CTBP2: variants seen among roughly 807,000 people sequenced by gnomAD.
CTBP2 encodes the protein C-terminal-binding protein 2.
In CTBP2, 30 loss-of-function variants were observed where a neutral mutation model predicts 80.3. The observed-to-expected ratio is 0.37, with a 90% CI of 0.28 to 0.51. The LOEUF (loss-of-function observed/expected upper bound fraction) is 0.51, where lower values mean the gene tolerates loss of function less well. Among genes scored for constraint, CTBP2 ranks in the 20% least tolerant of loss-of-function variants. The pLI is 0.93. For synonymous variants in CTBP2, 594 were observed against 587.4 expected (o/e 1.01, Z -0.16); for missense variants, 1,212 against 1,375.3 (o/e 0.88, Z 1.88).
At chr10:125,130,459 G>A (rs972536666) in intron 1 of CTBP2, among the ~76,000 whole-genome samples, 3 of 152,084 alleles carry the variant, frequency 2.0e-5, no homozygotes, top group African/African-American at 4.8e-5. Flanking sequence ...TTGGAAACAC[G>A]CTGCCAAATG....
At chr10:125,029,967 G>C (rs1958013482), upstream of CTBP2, among the ~76,000 whole-genome samples, 1 of 152,186 alleles carries the variant, frequency 6.6e-6, no homozygotes, top group Non-Finnish European at 1.5e-5. Flanking sequence ...GCCTCCCATT[G>C]AACCAGGAGG....
intron 2 of CTBP2, among the ~76,000 whole-genome samples, chr10:125,075,168 A>G (rs973870377): frequency 1.3e-5 from 2 of 152,242 alleles, no homozygotes; most frequent in Non-Finnish European, 2.9e-5. Context: ...GTGACAATAC[A>G]AAGTAAGAAC....
intron 2 of CTBP2, among the ~76,000 whole-genome samples, chr10:125,067,929 T>A (rs1310173155): frequency 6.6e-6 from 1 of 152,130 alleles, no homozygotes; most frequent in Non-Finnish European, 1.5e-5. Flanking sequence ...GTCCGATGTA[T>A]ACCCTAGGAG....
intron 2 of CTBP2, among the ~76,000 whole-genome samples, chr10:125,046,005 G>A (rs887519931): frequency 6.6e-6 from 1 of 151,872 alleles, no homozygotes; most frequent in Non-Finnish European, 1.5e-5. Context: ...GCCAACACAG[G>A]GCTACAATCC....
chr10:125,022,100 C>T (rs1246716765), intron 1 of CTBP2, among the ~76,000 whole-genome samples: 1 of 152,252 alleles, frequency 6.6e-6, no homozygotes, highest in African/African-American at 2.4e-5. Flanking sequence ...CTCACGCACA[C>T]ACTTCCATCT....
chr10:125,148,646 A>T (rs767731839), intron 1 of CTBP2, among the ~76,000 whole-genome samples: 4 of 152,196 alleles, frequency 2.6e-5, no homozygotes, highest in Non-Finnish European at 4.4e-5. Context: ...CTCTACGGAC[A>T]TGAGAGCCTC....
intron 3 of CTBP2, among the ~76,000 whole-genome samples, chr10:125,035,932 T>G (rs1958816316): frequency 6.6e-6 from 1 of 152,212 alleles, no homozygotes; most frequent in Non-Finnish European, 1.5e-5. Context: ...TTACATGGTA[T>G]TATAGGATTG....
At chr10:124,991,710 C>CACAGG (rs111879189) in intron 8 of CTBP2, among the ~76,000 whole-genome samples, 1 of 152,274 alleles carries the variant, frequency 6.6e-6, no homozygotes, top group African/African-American at 2.4e-5. Context: ...TCCTACAATG[C>CACAGG]ACAGGACAGG....
intron 1 of CTBP2, chr10:125,005,792 GGA>G: frequency 6.2e-7 from 1 of 1,612,484 alleles, no homozygotes; most frequent in African/African-American, 1.3e-5. Flanking sequence ...TGTGGGGCCT[GGA>G]AGTCCTGGTC....
intron 2 of CTBP2, among the ~76,000 whole-genome samples, chr10:125,088,539 A>G (rs1424421223): frequency 6.6e-6 from 1 of 152,144 alleles, no homozygotes; most frequent in East Asian, 1.9e-4. Context: ...AGAGCATGCC[A>G]TTTATCAATC....
At chr10:124,992,653 G>A (rs539692752) in intron 8 of CTBP2, 42 bp downstream of exon 10, 10 of 1,471,774 alleles carry the variant, frequency 6.8e-6, no homozygotes, top group African/African-American at 1.4e-5. Context: ...CCCCGGGGCC[G>A]TGGTGCTCAC....
chr10:125,116,093 A>T (rs77912596), intron 1 of CTBP2, among the ~76,000 whole-genome samples: 1,639 of 152,188 alleles, frequency 0.011, 22 homozygotes, highest in African/African-American at 0.037. Flanking sequence ...CACAGGAGCA[A>T]AACAGAAACC....
intron 1 of CTBP2, among the ~76,000 whole-genome samples, chr10:125,130,362 T>C (rs902596716): frequency 1.3e-5 from 2 of 152,168 alleles, no homozygotes; most frequent in Non-Finnish European, 2.9e-5. Flanking sequence ...CCACAGGACT[T>C]CTAGCCTTCC....
At chr10:125,029,311 G>A (rs1434739829), upstream of CTBP2, among the ~76,000 whole-genome samples, 5 of 147,768 alleles carry the variant, frequency 3.4e-5, no homozygotes, top group African/African-American at 7.6e-5. Context: ...GCGCGATCTC[G>A]GCTCACTGCA....
At chr10:124,991,411 C>T (rs1952596896) in intron 8 of CTBP2, among the ~76,000 whole-genome samples, 1 of 152,164 alleles carries the variant, frequency 6.6e-6, no homozygotes, top group African/African-American at 2.4e-5. Context: ...AAGAGGTGGG[C>T]CCCCAGCTCC....
At chr10:125,158,709 G>A (rs772444411) in intron 1 of CTBP2, 1 of 152,150 alleles carries the variant, frequency 6.6e-6, no homozygotes, top group Admixed American at 6.5e-5. Flanking sequence ...CACGCAGAGC[G>A]GGGATTTCTA....
At chr10:125,134,929 T>C (rs1456045673) in intron 1 of CTBP2, among the ~76,000 whole-genome samples, 1 of 133,126 alleles carries the variant, frequency 7.5e-6, no homozygotes, top group East Asian at 2.3e-4. Flanking sequence ...TCAATAATAC[T>C]AAAACCCACG....
intron 2 of CTBP2, among the ~76,000 whole-genome samples, chr10:125,045,835 C>T (rs1260037320): frequency 1.3e-5 from 2 of 152,118 alleles, no homozygotes. Flanking sequence ...CTGGTTCCAC[C>T]ATCAAAGAAA....
At chr10:125,116,907 C>G (rs1353370954) in intron 1 of CTBP2, among the ~76,000 whole-genome samples, 1 of 152,230 alleles carries the variant, frequency 6.6e-6, no homozygotes, top group East Asian at 1.9e-4. Flanking sequence ...GACCTGCCTA[C>G]AGCAGCATGA....
Sources: allele counts gnomAD v4.1 joint callset (sites outside exome capture counted in the v4.1 genomes callset), GRCh38; gene constraint gnomAD v4.1.1; transcripts MANE v1.5; gene names NCBI Gene and HGNC (gene_info 2026-07-23, HGNC 2026-07-21).